The following C2orf76 variants were observed in gnomAD, a reference collection of about 807,000 sequenced individuals.
C2orf76 encodes the protein UPF0538 protein C2orf76.
C2orf76 carries 23 observed loss-of-function variants against 16.9 expected under a neutral mutation model. That is an observed-to-expected ratio of 1.36 (90% CI 0.98 to 1.93). C2orf76 has a LOEUF of 1.93. Among genes scored for constraint, C2orf76 ranks in the 30% most tolerant of loss-of-function variants. The pLI is 0.00. For synonymous variants in C2orf76, 48 were observed against 52.3 expected, an observed-to-expected ratio of 0.92 and a Z score of 0.35; for missense variants, 152 against 152.6, an observed-to-expected ratio of 1.00 and a Z score of 0.02.
At chr2:119,323,186 G>A (rs568805778) in intron 2 of C2orf76, among the ~76,000 whole-genome samples, 3 of 137,838 alleles carry the variant, frequency 2.2e-5, no homozygotes, top group South Asian at 2.3e-4. Context: ...CCATAGTCCC[G>A]GCATTTTTTT....
At chr2:119,359,677 G>A (rs1442330359) in intron 1 of C2orf76, among the ~76,000 whole-genome samples, 1 of 152,206 alleles carries the variant, frequency 6.6e-6, no homozygotes, top group Non-Finnish European at 1.5e-5. Flanking sequence ...AACTAGAAGT[G>A]AAGCCTTAAG....
the C2orf76 span, among the ~76,000 whole-genome samples, chr2:119,287,944 G>A: frequency 6.6e-6 from 1 of 152,032 alleles, no homozygotes; most frequent in Non-Finnish European, 1.5e-5. Context: ...ATTTACCTAT[G>A]GTGACAGAAA....
the C2orf76 span, among the ~76,000 whole-genome samples, chr2:119,292,423 A>C: frequency 6.6e-6 from 1 of 152,172 alleles, no homozygotes; most frequent in Non-Finnish European, 1.5e-5. Context: ...CTCCGGGCAT[A>C]CGCAGAGCCC....
At chr2:119,301,344 G>A (rs1328776662), downstream of C2orf76, among the ~76,000 whole-genome samples, 3 of 152,166 alleles carry the variant, frequency 2.0e-5, no homozygotes, top group Non-Finnish European at 4.4e-5. Context: ...AACAAAGCAA[G>A]GCATCTTCTA....
At chr2:119,355,832 G>A (rs963841575) in intron 1 of C2orf76, among the ~76,000 whole-genome samples, 9 of 152,118 alleles carry the variant, frequency 5.9e-5, no homozygotes, top group Non-Finnish European at 1.3e-4. Flanking sequence ...ACCATCCACC[G>A]AACAGGATGT....
At chr2:119,288,522 AC>A in the C2orf76 span, among the ~76,000 whole-genome samples, 4 of 151,942 alleles carry the variant, frequency 2.6e-5, no homozygotes, top group African/African-American at 9.7e-5. Flanking sequence ...TCCTCTGAAA[AC>A]CCCATTAAGA....
chr2:119,323,806 G>A (rs939417745), intron 2 of C2orf76, among the ~76,000 whole-genome samples: 1 of 152,216 alleles, frequency 6.6e-6, no homozygotes, highest in African/African-American at 2.4e-5. Flanking sequence ...ACTGATCACA[G>A]TGCTGTAGGA....
the C2orf76 span, among the ~76,000 whole-genome samples, chr2:119,297,085 CAT>C: frequency 6.6e-6 from 1 of 152,210 alleles, no homozygotes; most frequent in Admixed American, 6.5e-5. Context: ...TACCCGAAGA[CAT>C]GTAATAAGTG....
chr2:119,321,218 AT>A lies in C2orf76; in HGVS notation c.134-15del. Reference sequence around the variant, plus strand: ...TTAAAGGGATATCTACAAGAGAAAGATTATTTTTTTACACAATAAGCAAATA... The same window carrying A: ...TTAAAGGGATATCTACAAGAGAAAGATATTTTTTTACACAATAAGCAAATA... On this transcript the variant is annotated splice_polypyrimidine_tract_variant and intron_variant, in intron 2 of 5. Coordinates refer to ENST00000334816, the MANE Select transcript of C2orf76 (RefSeq NM_001322331.2). 7.4e-7 allele frequency: 1 copy of A among 1,349,254 alleles called. No individual in the cohort carries two copies. 83.6% of individuals were successfully genotyped at this position (1,349,254 alleles called of 1,614,324 possible).
chr2:119,294,659 G>A, the C2orf76 span, among the ~76,000 whole-genome samples: 1 of 152,106 alleles, frequency 6.6e-6, no homozygotes, highest in Non-Finnish European at 1.5e-5. Flanking sequence ...AGCTGGGAGT[G>A]AGAGGAGGGG....
chr2:119,286,166 C>T, the C2orf76 span, among the ~76,000 whole-genome samples: 3 of 141,324 alleles, frequency 2.1e-5, no homozygotes, highest in Non-Finnish European at 4.5e-5. Context: ...GCAGAGGCTG[C>T]AGTGAGCCAA....
At chr2:119,302,619 A>C (rs1033183842) in intron 5 of C2orf76, 71 bp from the exon 6 acceptor site, 46 of 910,506 alleles carry the variant, frequency 5.1e-5, no homozygotes, top group Admixed American at 1.2e-4. Context: ...ATGGAAATCC[A>C]TATGACTTTG....
At chr2:119,291,674 G>A in the C2orf76 span, among the ~76,000 whole-genome samples, 17 of 152,130 alleles carry the variant, frequency 1.1e-4, no homozygotes, top group African/African-American at 2.6e-4. Context: ...GGGGGAGAAC[G>A]GGCAGCAGCC....
chr2:119,346,198 A>G (rs59621492), intron 1 of C2orf76, among the ~76,000 whole-genome samples: 16,992 of 152,224 alleles, frequency 0.11, 1,108 homozygotes, highest in African/African-American at 0.17. Context: ...GGAATGTAAA[A>G]TGGTACTAGC....
At chr2:119,286,595 C>T in the C2orf76 span, among the ~76,000 whole-genome samples, 3 of 152,256 alleles carry the variant, frequency 2.0e-5, no homozygotes, top group Admixed American at 1.3e-4. Flanking sequence ...AGCCCCACTA[C>T]ACCATGCCAG....
At chr2:119,336,368 C>A (rs1029635387) in intron 2 of C2orf76, among the ~76,000 whole-genome samples, 1 of 152,052 alleles carries the variant, frequency 6.6e-6, no homozygotes, top group Non-Finnish European at 1.5e-5. Flanking sequence ...CCAGTCTGGG[C>A]AACAGAGCGA....
At chr2:119,356,160 T>C in intron 1 of C2orf76, among the ~76,000 whole-genome samples, 1 of 152,106 alleles carries the variant, frequency 6.6e-6, no homozygotes, top group East Asian at 1.9e-4. Flanking sequence ...CCCAGCACTT[T>C]GGGAGGCTGA....
At position 119,311,703 on chromosome 2, in the gene C2orf76, T is replaced by G; in HGVS notation, c.223A>C (p.Thr75Pro). ...KIIHQAHKSK[T>P]NELVLSLEDD... ...TCCAAACTCAACACAAGTTCATTTG[T>G]CTAAAAAAAAAAAAGAAAATCTGCA... Residue 75 changes from threonine (T) to proline (P), a missense_variant and splice_region_variant, in exon 5 of 6, where the codon ACA (threonine) becomes CCA (proline). Coordinates refer to ENST00000334816, the MANE Select transcript of C2orf76 (RefSeq NM_001322331.2). The G allele has an allele frequency of 1.3e-6, 2 of 1,589,798 alleles. No homozygotes were observed. Among genetic ancestry groups the G allele is most frequent in the Non-Finnish European group, 8.5e-7 (1 of 1,176,604 alleles).
chr2:119,300,966 T>C (rs1222490823), downstream of C2orf76, among the ~76,000 whole-genome samples: 1 of 152,142 alleles, frequency 6.6e-6, no homozygotes, highest in Non-Finnish European at 1.5e-5. Context: ...TCACAGTCCT[T>C]TGCCTTTGTG....
Sources: allele counts gnomAD v4.1 joint callset (sites outside exome capture counted in the v4.1 genomes callset), GRCh38; gene constraint gnomAD v4.1.1; transcripts MANE v1.5; gene names NCBI Gene and HGNC (gene_info 2026-07-23, HGNC 2026-07-21).